D2HGDH: variants seen among roughly 807,000 people sequenced by gnomAD.
D2HGDH encodes the protein D-2-hydroxyglutarate dehydrogenase, also known as D-2-hydroxyglutarate dehydrogenase, mitochondrial.
D2HGDH carries 31 observed loss-of-function variants against 46.9 expected under a neutral mutation model. That is an observed-to-expected ratio of 0.66 (90% CI 0.50 to 0.89). D2HGDH has a LOEUF of 0.89. D2HGDH is among the 40% of genes least tolerant of loss of function. D2HGDH has a pLI of 0.00. For missense variants in D2HGDH, 698 were observed against 720.8 expected (o/e 0.97, Z 0.36); for synonymous variants, 364 against 332.6 (o/e 1.09, Z -1.03).
intron 8 of D2HGDH, among the ~76,000 whole-genome samples, chr2:241,753,208 A>G (rs946908943): frequency 6.6e-6 from 1 of 152,196 alleles, no homozygotes; most frequent in Non-Finnish European, 1.5e-5. Context: ...TTTTCTGCAG[A>G]TAGCAAAACG....
chr2:241,735,486 C>G lies in D2HGDH; in HGVS notation c.262C>G (p.Pro88Ala), dbSNP rs990921825. 6.2e-7 allele frequency: 1 copy of G among 1,608,336 alleles called. No homozygotes were observed. The highest frequency in any genetic ancestry group is 1.3e-5 in the African/African-American group (1 of 74,944). Residue 88 changes from proline (P) to alanine (A), a missense_variant, in exon 2 of 10, where the codon CCC becomes GCC. Pro to Ala is a conservative substitution (Grantham distance 27). Coordinates refer to ENST00000321264, the MANE Select transcript of D2HGDH (RefSeq NM_152783.5). ...CACGGACCCGGAAGCGCTGCAGGCT[C>G]CCAACGTGGACTGGTTGCGGACGCT... ...VVTDPEALQA[P>A]NVDWLRTLRG...
rs1167057250 is a variant in D2HGDH, at chr2:241,735,315, C to G, written c.91C>G (p.Leu31Val). 3 of 1,537,792 alleles carry G rather than the reference C, an allele frequency of 2.0e-6. No homozygotes were observed. The highest frequency in any genetic ancestry group is 2.6e-6 in the Non-Finnish European group (3 of 1,147,410). Residue 31 changes from leucine (L) to valine (V), a missense_variant, in exon 2 of 10, where the codon CTG becomes GTG. Leu to Val is a conservative substitution (Grantham distance 32). Transcript: ENST00000321264. Reference protein sequence around the residue: ...AGSWGRPVGPLARRGCCSAPG... With the variant: ...AGSWGRPVGPVARRGCCSAPG... ...TTCTTGGGGTCGGCCGGTTGGCCCC[C>G]TGGCCCGCAGAGGCTGCTGCTCCGC...
At chr2:241,752,635 G>T (rs537794719) in intron 8 of D2HGDH, among the ~76,000 whole-genome samples, 5 of 151,970 alleles carry the variant, frequency 3.3e-5, no homozygotes, top group Admixed American at 2.0e-4. Context: ...CAGGACAGCC[G>T]CCGGGGATTC....
intron 9 of D2HGDH, among the ~76,000 whole-genome samples, chr2:241,765,094 C>A (rs976395173): frequency 2.6e-5 from 4 of 152,210 alleles, no homozygotes; most frequent in Admixed American, 2.0e-4. Flanking sequence ...GGGCGACACC[C>A]ATGGGGGTGG....
intron 9 of D2HGDH, among the ~76,000 whole-genome samples, chr2:241,764,949 C>T (rs987600425): frequency 3.9e-5 from 6 of 152,080 alleles, no homozygotes; most frequent in Non-Finnish European, 8.8e-5. Context: ...GGAGGTTGTG[C>T]GTGGGGCGGG....
At chr2:241,754,098 G>A (rs1697767940) in intron 8 of D2HGDH, among the ~76,000 whole-genome samples, 1 of 152,256 alleles carries the variant, frequency 6.6e-6, no homozygotes, top group Non-Finnish European at 1.5e-5. Flanking sequence ...GAGATGGTGG[G>A]TGTGGAGCTG....
chr2:241,747,348 G>A (rs1696123207), intron 6 of D2HGDH, among the ~76,000 whole-genome samples: 2 of 151,926 alleles, frequency 1.3e-5, no homozygotes, highest in African/African-American at 4.8e-5. Context: ...ATTATTTGTA[G>A]GGGTTCCTAG....
intron 8 of D2HGDH, 155 bp from the exon 9 acceptor site, chr2:241,755,694 G>A (rs370855099): frequency 1.0e-5 from 16 of 1,559,924 alleles, no homozygotes; most frequent in East Asian, 9.9e-5. Flanking sequence ...TGGGGTTGGA[G>A]CCACACCTGG....
chr2:241,735,611 G>T (rs1469549179), intron 2 of D2HGDH, 95 bp downstream of exon 2: 94 of 1,531,644 alleles, frequency 6.1e-5, no homozygotes, highest in Middle Eastern at 2.3e-4. Flanking sequence ...CAACCTGGAT[G>T]GGGGTGCCAG....
At chr2:241,757,756 G>A (rs896899147) in intron 9 of D2HGDH, among the ~76,000 whole-genome samples, 2 of 152,074 alleles carry the variant, frequency 1.3e-5, no homozygotes, top group South Asian at 4.1e-4. Flanking sequence ...TCAGGAGTTC[G>A]ACACCAGCCC....
rs370380075 is a variant in D2HGDH, at chr2:241,743,600, G to T, written c.491-22G>T. The T allele has an allele frequency of 3.7e-6, 6 of 1,608,462 alleles. No individual in the cohort carries two copies. The African/African-American group carries it at 6.7e-5, about 18-fold the overall frequency. On this transcript the variant is annotated intron_variant, in intron 4 of 9. Coordinates refer to ENST00000321264, the MANE Select transcript of D2HGDH (RefSeq NM_152783.5). This position sits in a 1 kb window ranked among gnomAD's most constrained non-coding sequence, Gnocchi z 4.8. ...GGCCCACTGGAAGCCAAGTGCTGCG[G>T]CAGCCTGGTCACTCTCTGCAGGAAT...
Position 241,742,200 on chromosome 2 carries a change from G to A in D2HGDH, c.351-235G>A, listed in dbSNP as rs1694657613. On this transcript the variant is annotated intron_variant, in intron 3 of 9. Coordinates refer to ENST00000321264, the MANE Select transcript of D2HGDH (RefSeq NM_152783.5). This position sits in a 1 kb window ranked among gnomAD's most constrained non-coding sequence, Gnocchi z 4.8. ...TCTGTCCTTTGAGGGAAGCCTTGTAGGACGTCAGAATCGGGGCCTCCACTT... is the reference window on the plus strand; with the variant it reads ...TCTGTCCTTTGAGGGAAGCCTTGTAAGACGTCAGAATCGGGGCCTCCACTT... Among the ~76,000 whole-genome samples, 2 of 152,150 alleles carry A rather than the reference G, an allele frequency of 1.3e-5. No individual in the cohort carries two copies. The highest frequency in any genetic ancestry group is 4.8e-5 in the African/African-American group (2 of 41,446).
At chr2:241,764,619 T>C (rs1053511354) in intron 9 of D2HGDH, among the ~76,000 whole-genome samples, 1 of 152,238 alleles carries the variant, frequency 6.6e-6, no homozygotes, top group African/African-American at 2.4e-5. Flanking sequence ...CAGTCATTCC[T>C]GTGCCGCTCT....
intron 9 of D2HGDH, among the ~76,000 whole-genome samples, chr2:241,764,045 C>A (rs1464806695): frequency 1.3e-5 from 2 of 152,032 alleles, no homozygotes; most frequent in Admixed American, 1.3e-4. Flanking sequence ...GACCCTGTCT[C>A]AAAAAAACAA....
At chr2:241,741,194 A>G in intron 3 of D2HGDH, 104 bp downstream of exon 3, 3 of 1,048,680 alleles carry the variant, frequency 2.9e-6, no homozygotes, top group South Asian at 1.3e-5. Flanking sequence ...AAGCCAGCCG[A>G]TGACATCTTG....
intron 2 of D2HGDH, among the ~76,000 whole-genome samples, chr2:241,737,670 C>T (rs555252438): frequency 6.6e-6 from 1 of 152,056 alleles, no homozygotes; most frequent in African/African-American, 2.4e-5. Context: ...TGTGGGAGAT[C>T]GCTTGAGCCC....
At chr2:241,761,179 A>T (rs944103232) in intron 9 of D2HGDH, among the ~76,000 whole-genome samples, 2 of 152,242 alleles carry the variant, frequency 1.3e-5, no homozygotes, top group African/African-American at 2.4e-5. Flanking sequence ...ACGATGTAGT[A>T]TAACAGTGAC....
intron 2 of D2HGDH, among the ~76,000 whole-genome samples, chr2:241,739,656 G>A (rs1034453310): frequency 1.3e-5 from 2 of 152,206 alleles, no homozygotes; most frequent in Non-Finnish European, 2.9e-5. Flanking sequence ...GCTCACTTGG[G>A]GCAGCAGTGG....
chr2:241,768,402 G>T lies in D2HGDH; in HGVS notation c.*433G>T, dbSNP rs146545933. ...GGGGCATGCGTGGGCAGCAGGGGGC[G>T]TGGGCAGCGGGGGCACGGGCAGGAC... On this transcript the variant is annotated 3_prime_UTR_variant, in exon 10 of 10. Coordinates refer to ENST00000321264, the MANE Select transcript of D2HGDH (RefSeq NM_152783.5). 4.0e-4 allele frequency: 76 copies of T among 192,362 alleles called. 1 individual carries two copies. The East Asian group carries it at 0.011, about 27-fold the overall frequency. 11.9% of individuals were successfully genotyped at this position (192,362 alleles called of 1,614,324 possible). A position where few individuals can be genotyped will look rare whatever the true frequency, so the allele number is the denominator to read the frequency against.
Sources: gnomAD v4.1 joint callset for allele counts (sites outside exome capture counted in the v4.1 genomes callset) on GRCh38, gnomAD v4.1.1 for gene constraint, Gnocchi (gnomAD v3.1) non-coding constraint, MANE v1.5 for transcripts, NCBI Gene and HGNC (gene_info 2026-07-23, HGNC 2026-07-21) for gene names.